The following PFAS variants were observed in gnomAD, a reference collection of about 807,000 sequenced individuals.
PFAS encodes FGAM synthase.
Under a neutral mutation model 140.6 loss-of-function variants are expected in PFAS, and 97 were observed. That is an observed-to-expected ratio of 0.69 (90% CI 0.59 to 0.82). The LOEUF is 0.82. Among genes scored for constraint, PFAS ranks in the 40% least tolerant of loss-of-function variants. The pLI is 0.00. For synonymous variants in PFAS, 679 were observed against 718.8 expected, an observed-to-expected ratio of 0.94 and a Z score of 0.88; for missense variants, 1,656 against 1,780.2, an observed-to-expected ratio of 0.93 and a Z score of 1.26.
In PFAS at chr17:8,256,957, A is replaced by G. The variant is rs1597419123; in HGVS notation, c.1069A>G (p.Ile357Val). The G allele has an allele frequency of 2.5e-6, 4 of 1,614,170 alleles. No homozygotes were observed. The African/African-American group carries it at 5.3e-5, about 22-fold the overall frequency. ...TAGYCFGNLH[I>V]PGYNLPWEDP... ...CGGCTATTGCTTTGGAAATCTGCAT[A>G]TTCCAGGTTCCATCTCCTTCCTCTC... is the stretch of plus-strand genomic sequence containing the variant. The change falls in exon 9 of 28, where the codon ATT (isoleucine) becomes GTT (valine). Residue 357 changes from isoleucine to valine, a missense_variant. Ile to Val is a conservative substitution (Grantham distance 29, BLOSUM62 3). Around this residue, in one of 2 missense-constraint regions of PFAS, gnomAD observed 773 missense variants for 757.3 expected, o/e 1.02. Transcript: ENST00000314666.
rs766275951 is a variant in PFAS at position 8,263,036 on chromosome 17, G to A, written c.1410+43G>A. 4.3e-5 allele frequency: 70 copies of A among 1,609,374 alleles called. 1 individual carries two copies. The South Asian group carries it at 4.6e-4, about 11-fold the overall frequency. ...AAGGTGCAGAATCCTTGATATAACC[G>A]GGCCCCAGGCATAGGGGAGCGTATA... On this transcript the variant is annotated intron_variant, in intron 12 of 27. Transcript: ENST00000314666.
At chr17:8,265,234 C>T (rs1290407788) in intron 18 of PFAS, 54 bp from the exon 19 acceptor site, 25 of 1,589,386 alleles carry the variant, frequency 1.6e-5, no homozygotes, top group Non-Finnish European at 2.1e-5. Flanking sequence ...GCCTGCACCC[C>T]TGGCCTCTCC....
chr17:8,263,128 G>A lies in PFAS; in HGVS notation c.1430G>A (p.Ser477Asn), dbSNP rs1286712870. The A allele has an allele frequency of 1.9e-6, 3 of 1,614,138 alleles. No individual in the cohort carries two copies. The East Asian group carries it at 6.7e-5, about 36-fold the overall frequency. Residue 477 changes from serine to asparagine, a missense_variant, in exon 13 of 28, where the codon AGT becomes AAT. Physicochemically the swap from Ser to Asn is conservative, Grantham distance 46. Around this residue, in one of 2 missense-constraint regions of PFAS, gnomAD observed 773 missense variants for 757.3 expected, o/e 1.02. Coordinates refer to ENST00000314666, the MANE Select transcript of PFAS (RefSeq NM_012393.3). ...CCCCAGGTGCAGGGAGATAACACCAGTGACCTGGACTTTGGGGCTGTGCAG... is the reference window on the plus strand; with the variant it reads ...CCCCAGGTGCAGGGAGATAACACCAATGACCTGGACTTTGGGGCTGTGCAG... ...SSVQVQGDNT[S>N]DLDFGAVQRG...
At chr17:8,261,751 C>A (rs992875577) in intron 11 of PFAS, among the ~76,000 whole-genome samples, 1 of 152,048 alleles carries the variant, frequency 6.6e-6, no homozygotes, top group Non-Finnish European at 1.5e-5. Context: ...GCTGAGACTA[C>A]AAGCTCCGGC....
Position 8,267,917 on chromosome 17 carries a change from T to C in PFAS, c.3382+252T>C, listed in dbSNP as rs1471017872. ...AATATATATTATTTATATATATTAT[T>C]TATATATTATTAAAATGTATATTAT... On this transcript the variant is annotated intron_variant, in intron 26 of 27. Transcript: ENST00000314666. This position sits in a 1 kb window ranked among gnomAD's most constrained non-coding sequence, Gnocchi z 4.9. Among the ~76,000 whole-genome samples, 1 of 138,386 alleles carries C rather than the reference T, an allele frequency of 7.2e-6. No homozygotes were observed. The highest frequency in any genetic ancestry group is 2.5e-5 in the African/African-American group (1 of 39,324). The allele number at this position is 138,386 out of a possible 152,430, so 90.8% of individuals were successfully genotyped here. A position where few individuals can be genotyped will look rare whatever the true frequency, so the allele number is the denominator to read the frequency against.
At position 8,265,039 on chromosome 17, in the gene PFAS, A is replaced by G. The variant is rs557663266; in HGVS notation, c.2194A>G (p.Ser732Gly). The change falls in exon 18 of 28, where the codon AGC (serine) becomes GGC (glycine). Residue 732 changes from serine to glycine, a missense_variant. By Grantham distance (56) the Ser-to-Gly change is moderately conservative. Around this residue, in one of 2 missense-constraint regions of PFAS, gnomAD observed 883 missense variants for 1,023.0 expected, o/e 0.86. Coordinates refer to ENST00000314666, the MANE Select transcript of PFAS (RefSeq NM_012393.3). ...AGCCTTGGGAGAACAGCCAGTCAAG[A>G]GCCTGCTGGACCCAAAAGTCGCCGC... ...ATALGEQPVK[S>G]LLDPKVAARL... The G allele has an allele frequency of 1.5e-5, 24 of 1,613,708 alleles. No homozygotes were observed. The South Asian group carries it at 2.6e-4, about 18-fold the overall frequency.
At chr17:8,255,457 TC>T (rs758003056) in intron 4 of PFAS, 44 bp from the exon 5 acceptor site, 2 of 1,402,110 alleles carry the variant, frequency 1.4e-6, no homozygotes, top group South Asian at 2.9e-5. Context: ...TTCTCTCCAT[TC>T]TTAAACTCTT....
At chr17:8,247,904 G>T, upstream of PFAS, 1 of 1,291,614 alleles carries the variant, frequency 7.7e-7, no homozygotes, top group Non-Finnish European at 1.1e-6. Flanking sequence ...GCCGGACGCG[G>T]CCAGCGAGCC....
chr17:8,262,770 T>C, intron 11 of PFAS, 150 bp from the exon 12 acceptor site: 2 of 661,326 alleles, frequency 3.0e-6, no homozygotes, highest in South Asian at 1.8e-5. Flanking sequence ...TACTTCAGCC[T>C]GGACAACAGA....
intron 13 of PFAS, 41 bp from the exon 14 acceptor site, chr17:8,263,534 C>A: frequency 1.3e-6 from 2 of 1,567,466 alleles, no homozygotes; most frequent in South Asian, 1.1e-5. Context: ...GTTGCCTGAC[C>A]ACCACTAGGT....
intron 4 of PFAS, 139 bp downstream of exon 4, chr17:8,255,271 A>G: frequency 7.2e-6 from 5 of 695,270 alleles, no homozygotes; most frequent in Non-Finnish European, 1.2e-5. Flanking sequence ...ACTGCCTGAA[A>G]GTACCTGGTT....
rs746987658 is a variant in PFAS at position 8,254,304 on chromosome 17, A to C, written c.278+3A>C. ...CTGCTGCTGGAGGTCGGGCCCAGGT[A>C]AGTATCTCATCCTGCCCACCCCTTT... On this transcript the variant is annotated splice_donor_region_variant and intron_variant, in intron 3 of 27. Coordinates refer to ENST00000314666, the MANE Select transcript of PFAS (RefSeq NM_012393.3). 1.9e-4 allele frequency: 312 copies of C among 1,613,760 alleles called. No individual in the cohort carries two copies. The highest frequency in any genetic ancestry group is 2.6e-4 in the Non-Finnish European group (306 of 1,179,976).
At position 8,267,724 on chromosome 17, in the gene PFAS, G is replaced by A; in HGVS notation, c.3382+59G>A. The A allele has an allele frequency of 1.0e-6, 1 of 972,274 alleles. No individual in the cohort carries two copies. Among genetic ancestry groups the A allele is most frequent in the Non-Finnish European group, 1.6e-6 (1 of 624,998 alleles). 60.2% of individuals were successfully genotyped at this position (972,274 alleles called of 1,614,324 possible). On this transcript the variant is annotated intron_variant, in intron 26 of 27. Coordinates refer to ENST00000314666, the MANE Select transcript of PFAS (RefSeq NM_012393.3). This position sits in a 1 kb window ranked among gnomAD's most constrained non-coding sequence, Gnocchi z 4.9. Reference sequence around the variant, plus strand: ...CCACATTCCTGAAGAGGTGCCTTTAGCCCCATCTTCCTGGGCTGGGGATTG... The same window carrying A: ...CCACATTCCTGAAGAGGTGCCTTTAACCCCATCTTCCTGGGCTGGGGATTG...
At chr17:8,268,112 A>G (rs1989904932) in intron 26 of PFAS, among the ~76,000 whole-genome samples, 1 of 144,986 alleles carries the variant, frequency 6.9e-6, no homozygotes, top group Non-Finnish European at 1.5e-5. Flanking sequence ...CCCAGGCTGG[A>G]GTGCAATGGC....
In PFAS at chr17:8,267,343, TG is replaced by T; in HGVS notation, c.3176-27del. On this transcript the variant is annotated intron_variant, in intron 24 of 27. Coordinates refer to ENST00000314666, the MANE Select transcript of PFAS (RefSeq NM_012393.3). The surrounding 1 kb of genome is among the most constrained non-coding windows in gnomAD (Gnocchi z 4.9). ...GAGTTGGGGTGGGGAAGTGACTTTC[TG>T]GCCCAAAGACACTTATTCTCCCCCA... is the stretch of plus-strand genomic sequence containing the variant. The T allele has an allele frequency of 6.2e-7, 1 of 1,606,824 alleles. No individual in the cohort carries two copies. Among genetic ancestry groups the T allele is most frequent in the Non-Finnish European group, 8.5e-7 (1 of 1,173,780 alleles).
Position 8,264,972 on chromosome 17 carries a change from G to T in PFAS, c.2127G>T (p.Ala709=), listed in dbSNP as rs201327753. The change falls in exon 18 of 28, where the codon GCG becomes GCT. Residue 709 remains alanine (A), a synonymous_variant. Coordinates refer to ENST00000314666, the MANE Select transcript of PFAS (RefSeq NM_012393.3). ...TGCAAACTCCTCTGGCAGATGTAGCGGTTGTGGCACTGAGCCATGAGGAGC... is the reference window on the plus strand; with the variant it reads ...TGCAAACTCCTCTGGCAGATGTAGCTGTTGTGGCACTGAGCCATGAGGAGC... ...GPLQTPLADV[A]VVALSHEELI... 68 of 1,612,700 alleles carry T rather than the reference G, an allele frequency of 4.2e-5. 1 individual carries two copies. The highest frequency in any genetic ancestry group is 2.0e-4 in the South Asian group (18 of 90,982).
Position 8,255,556 on chromosome 17 carries a change from G to A in PFAS, c.439G>A (p.Asp147Asn), listed in dbSNP as rs1239257924. 8 of 1,543,282 alleles carry A rather than the reference G, an allele frequency of 5.2e-6. No homozygotes were observed. The highest frequency in any genetic ancestry group is 1.4e-5 in the African/African-American group (1 of 72,196). The change falls in exon 5 of 28, where the codon GAC becomes AAC. Residue 147 changes from aspartate to asparagine, a missense_variant. This residue lies in a region of PFAS where 773 missense variants were observed against 757.3 expected (regional missense o/e 1.02). Transcript: ENST00000314666. Reference protein sequence around the residue: ...VEAIALATLHDRMTEQHFPHP... With the variant: ...VEAIALATLHNRMTEQHFPHP... ...AGCCATTGCTCTGGCTACCCTGCACGACCGGATGACAGAGCAGCACTTCCC... is the reference window on the plus strand; with the variant it reads ...AGCCATTGCTCTGGCTACCCTGCACAACCGGATGACAGAGCAGCACTTCCC...
At chr17:8,255,746 A>C in intron 5 of PFAS, 55 bp downstream of exon 5, 1 of 1,604,524 alleles carries the variant, frequency 6.2e-7, no homozygotes, top group East Asian at 2.2e-5. Flanking sequence ...AGGGGTGCTG[A>C]GATCTGGAAT....
intron 20 of PFAS, 57 bp from the exon 21 acceptor site, chr17:8,265,805 T>G: frequency 1.4e-6 from 2 of 1,470,650 alleles, no homozygotes; most frequent in Admixed American, 3.5e-5. Context: ...TGTGAGCCCC[T>G]CAGGGATGGG....
Sources: allele counts gnomAD v4.1 joint callset (sites outside exome capture counted in the v4.1 genomes callset), GRCh38; gene constraint gnomAD v4.1.1; regional missense constraint gnomAD v4.1.1; non-coding constraint Gnocchi (gnomAD v3.1); transcripts MANE v1.5; gene names NCBI Gene and HGNC (gene_info 2026-07-23, HGNC 2026-07-21).